The following IGSF11 variants were observed in gnomAD, a reference collection of about 807,000 sequenced individuals.
IGSF11 encodes the protein CXADR like 1.
Under a neutral mutation model 41.0 loss-of-function variants are expected in IGSF11, and 22 were observed. That is an observed-to-expected ratio of 0.54 (90% CI 0.38 to 0.77). The LOEUF (loss-of-function observed/expected upper bound fraction) is 0.77. IGSF11 is among the 30% of genes least tolerant of loss of function. The probability of loss-of-function intolerance (pLI) is 0.00; values close to 1 mark genes in which losing one functional copy is unlikely to be tolerated. For missense variants in IGSF11, 444 were observed against 530.8 expected (o/e 0.84, Z 1.61); for synonymous variants, 219 against 201.3 (o/e 1.09, Z -0.74).
At chr3:118,977,943 C>G (rs1422005580) in intron 1 of IGSF11, among the ~76,000 whole-genome samples, 1 of 152,180 alleles carries the variant, frequency 6.6e-6, no homozygotes, top group Non-Finnish European at 1.5e-5. Context: ...CCCAGCCCAA[C>G]AGAGGGGCGG....
chr3:118,954,134 C>T (rs186614910), intron 1 of IGSF11, among the ~76,000 whole-genome samples: 1 of 152,174 alleles, frequency 6.6e-6, no homozygotes, highest in East Asian at 1.9e-4. Context: ...TGCCAATTAT[C>T]CCAGCACCTT....
chr3:119,139,213 A>G (rs1028799748), intron 1 of IGSF11, among the ~76,000 whole-genome samples: 1 of 152,354 alleles, frequency 6.6e-6, no homozygotes, highest in African/African-American at 2.4e-5. Context: ...CGGTAAATAA[A>G]AACGGACACA....
chr3:118,995,390 C>T (rs1340840243), intron 1 of IGSF11, among the ~76,000 whole-genome samples: 1 of 152,056 alleles, frequency 6.6e-6, no homozygotes, highest in African/African-American at 2.4e-5. Context: ...ACTGAAGAAC[C>T]CTGACAGCTC....
chr3:119,076,211 T>G (rs896014087), intron 1 of IGSF11, among the ~76,000 whole-genome samples: 3 of 152,194 alleles, frequency 2.0e-5, no homozygotes, highest in African/African-American at 7.2e-5. Context: ...TAGCCATATG[T>G]AGAAAGCTGA....
chr3:119,011,974 C>T (rs1207972613), intron 1 of IGSF11, among the ~76,000 whole-genome samples: 1 of 149,430 alleles, frequency 6.7e-6, no homozygotes, highest in African/African-American at 2.5e-5. Flanking sequence ...TGTGTGTATA[C>T]ACACATATAT....
chr3:119,002,528 T>G (rs1157565991), intron 1 of IGSF11, among the ~76,000 whole-genome samples: 1 of 133,216 alleles, frequency 7.5e-6, no homozygotes, highest in African/African-American at 3.3e-5. Context: ...TTTGGTGTTT[T>G]GGACATGAAG....
At chr3:119,056,880 T>C (rs951604645) in intron 1 of IGSF11, among the ~76,000 whole-genome samples, 2 of 152,228 alleles carry the variant, frequency 1.3e-5, no homozygotes, top group Admixed American at 6.5e-5. Flanking sequence ...AACACATGAT[T>C]ATCTCAATAG....
At chr3:118,915,196 C>T (rs1345358306) in intron 4 of IGSF11, among the ~76,000 whole-genome samples, 80 of 137,992 alleles carry the variant, frequency 5.8e-4, no homozygotes, top group African/African-American at 2.2e-3. Context: ...AAATGCAGAG[C>T]GCCTCTCCTC....
chr3:118,971,571 G>A lies in IGSF11; in HGVS notation c.53-41296C>T, dbSNP rs113503609. 8.5e-5 allele frequency among the ~76,000 whole-genome samples: 13 copies of A among 152,256 alleles called. 2 individuals carry two copies. The highest frequency in any genetic ancestry group is 1.9e-4 in the East Asian group (1 of 5,180). On this transcript the variant is annotated intron_variant, in intron 1 of 6. Transcript: ENST00000393775. ...TGTAATCCCAGAACTTCGGGAGGCC[G>A]AGGTGGGTGCATCACGAGGTCAGGG...
intron 1 of IGSF11, among the ~76,000 whole-genome samples, chr3:118,931,493 A>T (rs1432937590): frequency 6.6e-6 from 1 of 152,358 alleles, no homozygotes. Flanking sequence ...CAAAGTACTG[A>T]TACATCTTAC....
chr3:118,907,785 G>T (rs1939789887), intron 4 of IGSF11, among the ~76,000 whole-genome samples: 1 of 152,088 alleles, frequency 6.6e-6, no homozygotes, highest in African/African-American at 2.4e-5. Flanking sequence ...ATAAAATGAG[G>T]TTTGTCCAAG....
intron 1 of IGSF11, among the ~76,000 whole-genome samples, chr3:118,975,640 G>A (rs1243760315): frequency 6.6e-6 from 1 of 152,132 alleles, no homozygotes; most frequent in East Asian, 1.9e-4. Context: ...ACAGTGGACT[G>A]GATAAAGAAA....
intron 1 of IGSF11, among the ~76,000 whole-genome samples, chr3:118,962,924 A>G (rs6795936): frequency 0.23 from 34,434 of 152,152 alleles, 4,822 homozygotes; most frequent in African/African-American, 0.38. Context: ...TCAGTTTATC[A>G]TGAAGCCTGC....
rs1056321743 is a variant in IGSF11, at chr3:119,063,253, T to C, written c.49+41891A>G. On this transcript the variant is annotated intron_variant, in intron 1 of 6. Transcript: ENST00000354673. Reference sequence around the variant, plus strand: ...CTGAATGGGCCTGTAACAGAACAATTTGACACAATCAAAGAAAGCTGGAAA... The same window carrying C: ...CTGAATGGGCCTGTAACAGAACAATCTGACACAATCAAAGAAAGCTGGAAA... 2.6e-5 allele frequency among the ~76,000 whole-genome samples: 4 copies of C among 152,088 alleles called. 1 individual carries two copies. Among genetic ancestry groups the C allele is most frequent in the Admixed American group, 2.6e-4 (4 of 15,248 alleles).
chr3:118,975,328 A>C (rs1240666179), intron 1 of IGSF11, among the ~76,000 whole-genome samples: 1 of 151,980 alleles, frequency 6.6e-6, no homozygotes, highest in Admixed American at 6.6e-5. Flanking sequence ...AGATTTTACC[A>C]TATGTGACAA....
At chr3:119,048,991 C>T (rs947743937) in intron 1 of IGSF11, among the ~76,000 whole-genome samples, 8 of 151,942 alleles carry the variant, frequency 5.3e-5, no homozygotes, top group Non-Finnish European at 7.4e-5. Flanking sequence ...ATTGATGGGA[C>T]GTATTTCAAA....
chr3:119,132,930 C>T (rs537581357), intron 1 of IGSF11, among the ~76,000 whole-genome samples: 1 of 152,292 alleles, frequency 6.6e-6, no homozygotes, highest in African/African-American at 2.4e-5. Flanking sequence ...AACCACACAA[C>T]TACATGGAAA....
chr3:119,091,208 T>C, intron 1 of IGSF11, among the ~76,000 whole-genome samples: 1 of 152,106 alleles, frequency 6.6e-6, no homozygotes, highest in East Asian at 1.9e-4. Context: ...AAACACCAGA[T>C]TCTGGCTAGG....
At chr3:119,134,156 A>T (rs2077523538) in intron 1 of IGSF11, among the ~76,000 whole-genome samples, 1 of 151,554 alleles carries the variant, frequency 6.6e-6, no homozygotes, top group Admixed American at 6.6e-5. Context: ...AACCACCACA[A>T]GACAAGGATG....
Sources: allele counts gnomAD v4.1 joint callset (sites outside exome capture counted in the v4.1 genomes callset), GRCh38; gene constraint gnomAD v4.1.1; transcripts MANE v1.5; gene names NCBI Gene and HGNC (gene_info 2026-07-23, HGNC 2026-07-21).